Variants in TMEM132B observed in about 807,000 individuals in gnomAD.
The protein encoded by TMEM132B is transmembrane protein 132B.
In TMEM132B, 18 loss-of-function variants were observed where a neutral mutation model predicts 90.8. The observed-to-expected ratio is 0.20, with a 90% CI of 0.14 to 0.29. TMEM132B has a LOEUF of 0.29. TMEM132B is among the 10% of genes least tolerant of loss of function. The pLI is 1.00. For synonymous variants in TMEM132B, 504 were observed against 523.3 expected (o/e 0.96, Z 0.50); for missense variants, 1,096 against 1,326.8 (o/e 0.83, Z 2.70).
chr12:125,561,072 C>T (rs1566074105), intron 4 of TMEM132B, among the ~76,000 whole-genome samples: 1 of 152,058 alleles, frequency 6.6e-6, no homozygotes, highest in Non-Finnish European at 1.5e-5. Flanking sequence ...CACATGCACA[C>T]ATATGTTTAT....
intron 2 of TMEM132B, among the ~76,000 whole-genome samples, chr12:125,357,116 A>G (rs1359664054): frequency 6.6e-6 from 1 of 152,218 alleles, no homozygotes; most frequent in Admixed American, 6.5e-5. Flanking sequence ...ATTGTGAGGC[A>G]TTGTTCCCAG....
intron 2 of TMEM132B, among the ~76,000 whole-genome samples, chr12:125,394,930 T>G (rs1392716429): frequency 6.6e-6 from 1 of 152,106 alleles, no homozygotes; most frequent in Non-Finnish European, 1.5e-5. Context: ...AAATTATCAA[T>G]TGGGTACAAT....
In TMEM132B at chr12:125,445,932, G is replaced by A. The variant is rs922842000; in HGVS notation, c.1106+30255G>A. On this transcript the variant is annotated intron_variant, in intron 3 of 8. Coordinates refer to ENST00000682704, the MANE Select transcript of TMEM132B (RefSeq NM_001366854.1). This position sits in a 1 kb window ranked among gnomAD's most constrained non-coding sequence, Gnocchi z 4.3. ...CAGGATAGAGTTCCCTCCTTGCCTC[G>A]CAGGGAGACAGCTCTGGGGTGGGCA... 6.1e-5 allele frequency among the ~76,000 whole-genome samples: 9 copies of A among 148,624 alleles called. No homozygotes were observed. Among genetic ancestry groups the A allele is most frequent in the African/African-American group, 7.4e-5 (3 of 40,678 alleles).
At chr12:125,308,771 A>G (rs942252370) in intron 1 of TMEM132B, among the ~76,000 whole-genome samples, 6 of 152,122 alleles carry the variant, frequency 3.9e-5, no homozygotes, top group Admixed American at 6.5e-5. Context: ...ATTTTGTAAA[A>G]AAAAGGACCC....
chr12:125,317,246 T>G (rs1876306780), intron 1 of TMEM132B, among the ~76,000 whole-genome samples: 1 of 152,180 alleles, frequency 6.6e-6, no homozygotes, highest in South Asian at 2.1e-4. Flanking sequence ...TGGGTTGGTA[T>G]ACTCAAAGCG....
chr12:125,433,660 T>C lies in TMEM132B; in HGVS notation c.1106+17983T>C, dbSNP rs371792630. Among the ~76,000 whole-genome samples the C allele has an allele frequency of 5.0e-3, 445 of 88,708 alleles. 3 individuals carry two copies. The highest frequency in any genetic ancestry group is 0.014 in the Middle Eastern group (2 of 146). The allele number at this position is 88,708 out of a possible 152,430, so 58.2% of individuals were successfully genotyped here. ...GCATTAGGTATATCTCCCGATGCTA[T>C]CCCTCCCCCCTCCCCCCACCCATTA... On this transcript the variant is annotated intron_variant, in intron 3 of 8. Coordinates refer to ENST00000682704, the MANE Select transcript of TMEM132B (RefSeq NM_001366854.1).
chr12:125,311,965 G>T (rs1421365963), intron 1 of TMEM132B, among the ~76,000 whole-genome samples: 1 of 152,210 alleles, frequency 6.6e-6, no homozygotes, highest in Non-Finnish European at 1.5e-5. Context: ...AGTGAAGCAG[G>T]TGCTCATATA....
chr12:125,459,359 G>A lies in TMEM132B; in HGVS notation c.1106+43682G>A, dbSNP rs192679097. On this transcript the variant is annotated intron_variant, in intron 3 of 8. Transcript: ENST00000682704. This position sits in a 1 kb window ranked among gnomAD's most constrained non-coding sequence, Gnocchi z 4.1. ...TCTAGGGTCTTGCTGACGAGGGCAC[G>A]TTTTCTAAAACTACCGAGAGAACTG... 3.9e-5 allele frequency among the ~76,000 whole-genome samples: 6 copies of A among 152,278 alleles called. No individual in the cohort carries two copies. Among genetic ancestry groups the A allele is most frequent in the African/African-American group, 1.2e-4 (5 of 41,560 alleles).
At position 125,350,024 on chromosome 12, in the gene TMEM132B, C is replaced by A. The variant is rs1877505942; in HGVS notation, c.640C>A (p.Leu214Met). Residue 214 changes from leucine (L) to methionine (M), a missense_variant, in exon 2 of 9, where the codon CTG becomes ATG. Leu to Met is a conservative substitution (Grantham distance 15). Coordinates refer to ENST00000682704, the MANE Select transcript of TMEM132B (RefSeq NM_001366854.1). ...GGAACCAGAGGAGGAGATCCCAGCC[C>A]TGCTCGGGGGCACCACGATGGAGCT... ...DLEPEEEIPA[L>M]LGGTTMELFF... 1 of 1,614,104 alleles carries A rather than the reference C, an allele frequency of 6.2e-7. No individual in the cohort carries two copies. Among genetic ancestry groups the A allele is most frequent in the African/African-American group, 1.3e-5 (1 of 74,950 alleles).
Position 125,406,768 on chromosome 12 carries a change from T to C in TMEM132B, c.960-8763T>C, listed in dbSNP as rs1192337073. On this transcript the variant is annotated intron_variant, in intron 2 of 8. Coordinates refer to ENST00000682704, the MANE Select transcript of TMEM132B (RefSeq NM_001366854.1). This position sits in a 1 kb window ranked among gnomAD's most constrained non-coding sequence, Gnocchi z 8.3. ...TCACTTCTGATGCCATCTGCAAGTCTGGAGGGTCCCCAAGACCACCCTCAG... is the reference window on the plus strand; with the variant it reads ...TCACTTCTGATGCCATCTGCAAGTCCGGAGGGTCCCCAAGACCACCCTCAG... Among the ~76,000 whole-genome samples, 1 of 152,188 alleles carries C rather than the reference T, an allele frequency of 6.6e-6. No homozygotes were observed. The highest frequency in any genetic ancestry group is 2.4e-5 in the African/African-American group (1 of 41,430).
intron 2 of TMEM132B, among the ~76,000 whole-genome samples, chr12:125,412,167 A>G (rs1440403661): frequency 3.3e-5 from 5 of 152,208 alleles, no homozygotes; most frequent in African/African-American, 1.2e-4. Flanking sequence ...TGGAAGAAGC[A>G]TCGTGCACGG....
At chr12:125,572,852 A>C (rs1483238899) in intron 4 of TMEM132B, among the ~76,000 whole-genome samples, 1 of 152,066 alleles carries the variant, frequency 6.6e-6, no homozygotes, top group Non-Finnish European at 1.5e-5. Flanking sequence ...TCCTTTCTTC[A>C]CTGTTTGTTT....
At chr12:125,565,270 C>T (rs936551475) in intron 4 of TMEM132B, among the ~76,000 whole-genome samples, 1 of 152,176 alleles carries the variant, frequency 6.6e-6, no homozygotes, top group Non-Finnish European at 1.5e-5. Context: ...AGAATCGTGG[C>T]TTGTCTGTTG....
chr12:125,362,544 G>A (rs752001638), intron 2 of TMEM132B, among the ~76,000 whole-genome samples: 4 of 152,090 alleles, frequency 2.6e-5, no homozygotes, highest in Non-Finnish European at 4.4e-5. Flanking sequence ...GCGCACTATT[G>A]GATAGTAGAT....
At position 125,656,490 on chromosome 12, in the gene TMEM132B, G is replaced by C. The variant is rs1171888507; in HGVS notation, c.*1780G>C. On this transcript the variant is annotated 3_prime_UTR_variant, in exon 9 of 9. Coordinates refer to ENST00000682704, the MANE Select transcript of TMEM132B (RefSeq NM_001366854.1). ...CAGGACTGTAGTGTGTTTGGGAACA[G>C]TGCTGAAATTGCAAGTGATGTAGGC... is the stretch of plus-strand genomic sequence containing the variant. The C allele has an allele frequency of 1.3e-5, 2 of 152,242 alleles. No homozygotes were observed. Among genetic ancestry groups the C allele is most frequent in the African/African-American group, 4.8e-5 (2 of 41,466 alleles). The allele number at this position is 152,242 out of a possible 1,614,324, so 9.4% of individuals were successfully genotyped here.
At chr12:125,574,682 C>A (rs946683216) in intron 4 of TMEM132B, among the ~76,000 whole-genome samples, 2 of 152,052 alleles carry the variant, frequency 1.3e-5, no homozygotes, top group Non-Finnish European at 2.9e-5. Context: ...GGCTGTTGCT[C>A]ACCCTGGTAA....
At chr12:125,508,393 G>A (rs1000651176) in intron 3 of TMEM132B, among the ~76,000 whole-genome samples, 7 of 152,122 alleles carry the variant, frequency 4.6e-5, no homozygotes, top group African/African-American at 9.7e-5. Flanking sequence ...TCCTTTGTGC[G>A]TGATGCTGCT....
intron 1 of TMEM132B, among the ~76,000 whole-genome samples, chr12:125,188,609 G>A (rs1189359640): frequency 8.2e-6 from 1 of 122,668 alleles, no homozygotes; most frequent in East Asian, 2.8e-4. Flanking sequence ...AAGGCCCCAT[G>A]TTGGGAGGGA....
intron 1 of TMEM132B, among the ~76,000 whole-genome samples, chr12:125,221,225 A>G (rs1228188770): frequency 6.6e-6 from 1 of 152,238 alleles, no homozygotes; most frequent in Admixed American, 6.5e-5. Context: ...TCTAGTTCAT[A>G]GATATATACC....
Sources: gnomAD v4.1 joint callset for allele counts (sites outside exome capture counted in the v4.1 genomes callset) on GRCh38, gnomAD v4.1.1 for gene constraint, Gnocchi (gnomAD v3.1) non-coding constraint, MANE v1.5 for transcripts, NCBI Gene and HGNC (gene_info 2026-07-23, HGNC 2026-07-21) for gene names.